ROCK2: variants seen among roughly 807,000 people sequenced by gnomAD.
ROCK2 encodes Rho associated coiled-coil containing protein kinase 2, also known as rho-associated protein kinase 2.
In ROCK2, 61 loss-of-function variants were observed where a neutral mutation model predicts 195.1. That is an observed-to-expected ratio of 0.31 (90% CI 0.25 to 0.39). The LOEUF is 0.39. Ranked by LOEUF, ROCK2 falls within the 10% of genes least tolerant of loss-of-function variation. The pLI is 1.00. For synonymous variants in ROCK2, 504 were observed against 545.5 expected (o/e 0.92, Z 1.06); for missense variants, 1,109 against 1,637.4 (o/e 0.68, Z 5.57).
chr2:11,341,130 C>A (rs950867557), intron 1 of ROCK2, among the ~76,000 whole-genome samples: 2 of 151,818 alleles, frequency 1.3e-5, no homozygotes, highest in African/African-American at 4.8e-5. Flanking sequence ...TAATACTAAG[C>A]GGCTCACAAT....
At chr2:11,278,082 T>C (rs915939893) in intron 3 of ROCK2, among the ~76,000 whole-genome samples, 22 of 152,240 alleles carry the variant, frequency 1.4e-4, no homozygotes, top group African/African-American at 5.3e-4. Flanking sequence ...ATACTTTTAA[T>C]TTTCTGTGTT....
At chr2:11,287,808 T>A in intron 1 of ROCK2, 72 bp from the exon 2 acceptor site, 1 of 561,322 alleles carries the variant, frequency 1.8e-6, no homozygotes, top group East Asian at 3.3e-5. Context: ...AGTCTTTTAA[T>A]TTTATTTATG....
rs766257291 is a variant in ROCK2, at chr2:11,201,294, A to G, written c.2723+16T>C. Reference sequence around the variant, plus strand: ...ATACAGCTATGAACAAAAAGAGACAAGGGTCTCATACTTACCGTTCATCCT... The same window carrying G: ...ATACAGCTATGAACAAAAAGAGACAGGGGTCTCATACTTACCGTTCATCCT... On this transcript the variant is annotated intron_variant, in intron 22 of 32. Coordinates refer to ENST00000315872, the MANE Select transcript of ROCK2 (RefSeq NM_004850.5). The surrounding 1 kb of genome is among the most constrained non-coding windows in gnomAD (Gnocchi z 4.6). 1.9e-6 allele frequency: 3 copies of G among 1,565,254 alleles called. No individual in the cohort carries two copies. The highest frequency in any genetic ancestry group is 2.6e-6 in the Non-Finnish European group (3 of 1,136,512).
chr2:11,319,759 T>A (rs925574429), intron 1 of ROCK2, among the ~76,000 whole-genome samples: 1 of 131,074 alleles, frequency 7.6e-6, no homozygotes, highest in African/African-American at 2.9e-5. Context: ...GCTCTTATTA[T>A]TTTTAGATAC....
intron 32 of ROCK2, among the ~76,000 whole-genome samples, chr2:11,191,324 C>T (rs1663414006): frequency 6.6e-6 from 1 of 152,168 alleles, no homozygotes; most frequent in South Asian, 2.1e-4. Context: ...CCGAAAATGG[C>T]TCCATCAAAA....
intron 4 of ROCK2, among the ~76,000 whole-genome samples, chr2:11,249,348 T>C (rs1381065897): frequency 6.6e-6 from 1 of 152,246 alleles, no homozygotes; most frequent in Admixed American, 6.5e-5. Flanking sequence ...ACTATGTTCC[T>C]ACTATGTAAA....
At chr2:11,227,693 T>C (rs1664863451) in intron 5 of ROCK2, among the ~76,000 whole-genome samples, 1 of 152,228 alleles carries the variant, frequency 6.6e-6, no homozygotes, top group African/African-American at 2.4e-5. Flanking sequence ...ACAACTTTTC[T>C]TTTTCTTATT....
At chr2:11,233,959 T>C (rs1325722640) in intron 5 of ROCK2, 1 of 152,146 alleles carries the variant, frequency 6.6e-6, no homozygotes, top group Non-Finnish European at 1.5e-5. Flanking sequence ...AACTCAACTG[T>C]CTGTATCTGA....
At chr2:11,194,599 C>A (rs1320439496) in intron 28 of ROCK2, among the ~76,000 whole-genome samples, 2 of 151,262 alleles carry the variant, frequency 1.3e-5, no homozygotes, top group Non-Finnish European at 3.0e-5. Flanking sequence ...TGGGATCCAA[C>A]ATCATTAGTA....
chr2:11,196,363 C>G (rs933793093), intron 27 of ROCK2, among the ~76,000 whole-genome samples: 1 of 152,186 alleles, frequency 6.6e-6, no homozygotes, highest in African/African-American at 2.4e-5. Flanking sequence ...TTCTGTACCA[C>G]CACTCTTGTT....
intron 5 of ROCK2, among the ~76,000 whole-genome samples, chr2:11,228,836 G>A (rs941493668): frequency 6.6e-5 from 10 of 151,990 alleles, no homozygotes; most frequent in Non-Finnish European, 1.3e-4. Flanking sequence ...AGGTTCAGAG[G>A]AAGGAGAAGA....
chr2:11,313,023 C>G lies in ROCK2; in HGVS notation c.142-25287G>C, dbSNP rs141289132. On this transcript the variant is annotated intron_variant, in intron 1 of 32. Coordinates refer to ENST00000315872, the MANE Select transcript of ROCK2 (RefSeq NM_004850.5). ...GGGGGAGTTTTAGGACAGTAAAACT[C>G]TTTTGTATGATACTGTAACTGTGGA... is the stretch of plus-strand genomic sequence containing the variant. Among the ~76,000 whole-genome samples the G allele has an allele frequency of 3.9e-3, 594 of 152,096 alleles. 2 individuals carry two copies. The highest frequency in any genetic ancestry group is 0.013 in the African/African-American group (534 of 41,528).
intron 4 of ROCK2, among the ~76,000 whole-genome samples, chr2:11,245,201 T>C (rs1397345762): frequency 6.6e-6 from 1 of 150,466 alleles, no homozygotes; most frequent in Admixed American, 6.6e-5. Flanking sequence ...TATACTTTGC[T>C]TGATGTATAA....
chr2:11,319,007 C>T (rs1009951018), intron 1 of ROCK2, among the ~76,000 whole-genome samples: 4 of 152,272 alleles, frequency 2.6e-5, no homozygotes, highest in African/African-American at 9.6e-5. Flanking sequence ...GTTACTGTAG[C>T]CTTGTAGTAT....
chr2:11,248,015 C>A (rs1353639309), intron 4 of ROCK2, among the ~76,000 whole-genome samples: 1 of 151,636 alleles, frequency 6.6e-6, no homozygotes, highest in Non-Finnish European at 1.5e-5. Context: ...GAGGGAGACT[C>A]CGTCTCAAGG....
intron 3 of ROCK2, among the ~76,000 whole-genome samples, chr2:11,282,350 CAAA>C (rs1447547973): frequency 6.6e-6 from 1 of 151,726 alleles, no homozygotes. Context: ...GATGCCGTCT[CAAA>C]AAATAATAAT....
rs35159426 is a variant in ROCK2, at chr2:11,219,336, C to CAAAAAAA, written c.1260-317_1260-311dup. 3.9e-3 allele frequency among the ~76,000 whole-genome samples: 263 copies of CAAAAAAA among 67,360 alleles called. 13 individuals carry two copies. Among genetic ancestry groups the CAAAAAAA allele is most frequent in the East Asian group, 5.4e-3 (12 of 2,218 alleles). 44.2% of individuals were successfully genotyped at this position (67,360 alleles called of 152,430 possible). A position where few individuals can be genotyped will look rare whatever the true frequency, so the allele number is the denominator to read the frequency against. On this transcript the variant is annotated intron_variant, in intron 9 of 32. Transcript: ENST00000315872. ...TCAACATGGTGAAACCTTATCTCTACAAAAAAAAAAAAAAAAAAAAAAAAA... is the reference window on the plus strand; with the variant it reads ...TCAACATGGTGAAACCTTATCTCTACAAAAAAAAAAAAAAAAAAAAAAAAAAAAAAAA...
intron 1 of ROCK2, among the ~76,000 whole-genome samples, chr2:11,317,142 C>T (rs1408190350): frequency 2.6e-5 from 4 of 151,866 alleles, no homozygotes; most frequent in Admixed American, 1.3e-4. Context: ...CGAATGAGGC[C>T]ACAGAAATGA....
chr2:11,330,096 T>C (rs1668671903), intron 1 of ROCK2, among the ~76,000 whole-genome samples: 1 of 152,126 alleles, frequency 6.6e-6, no homozygotes, highest in South Asian at 2.1e-4. Flanking sequence ...ACTGGAAAAA[T>C]ACTTCCAATA....
Sources: allele counts gnomAD v4.1 joint callset (sites outside exome capture counted in the v4.1 genomes callset), GRCh38; gene constraint gnomAD v4.1.1; non-coding constraint Gnocchi (gnomAD v3.1); transcripts MANE v1.5; gene names NCBI Gene and HGNC (gene_info 2026-07-23, HGNC 2026-07-21).